Variants in TMEM175 observed in about 807,000 individuals in gnomAD.
TMEM175 encodes the protein transmembrane protein 175.
A neutral mutation model predicts 36.5 loss-of-function variants in TMEM175; 36 were observed. The ratio of observed to expected loss-of-function variants is 0.99; its 90% CI spans 0.76 to 1.30. The LOEUF (loss-of-function observed/expected upper bound fraction) is 1.30, where lower values mean the gene tolerates loss of function less well. Among genes scored for constraint, TMEM175 ranks in the 50% most tolerant of loss-of-function variants. The probability of loss-of-function intolerance (pLI) is 0.00; values close to 1 mark genes in which losing one functional copy is unlikely to be tolerated. For missense variants in TMEM175, 705 were observed against 692.8 expected, an observed-to-expected ratio of 1.02 and a Z score of -0.20; for synonymous variants, 339 against 313.4, an observed-to-expected ratio of 1.08 and a Z score of -0.86.
intron 7 of TMEM175, 36 bp from the exon 8 acceptor site, chr4:953,154 T>C: frequency 1.3e-6 from 2 of 1,565,964 alleles, no homozygotes; most frequent in Middle Eastern, 1.7e-4. Context: ...CCCTCTGCTC[T>C]TGGGGCCTGT....
At chr4:956,081 TC>T in intron 10 of TMEM175, 191 bp downstream of exon 10, 1 of 812,520 alleles carries the variant, frequency 1.2e-6, no homozygotes, top group Non-Finnish European at 1.9e-6. Context: ...GCCCCTCCCT[TC>T]CCAGCGGCCC....
chr4:951,700 A>G lies in TMEM175; in HGVS notation c.361A>G (p.Thr121Ala). 6.2e-7 allele frequency: 1 copy of G among 1,613,864 alleles called. No individual in the cohort carries two copies. The highest frequency in any genetic ancestry group is 8.5e-7 in the Non-Finnish European group (1 of 1,179,914). ...CCTCCAGGCCTGCATGATGACCATC[A>G]CCTTCCTGCCTTACACGGTGAGCAA... is the stretch of plus-strand genomic sequence containing the variant. Reference protein sequence around the residue: ...LLNLACMMTITFLPYTFSLMV... With the variant: ...LLNLACMMTIAFLPYTFSLMV... The change falls in exon 6 of 11, where the codon ACC becomes GCC. Residue 121 changes from threonine to alanine, a missense_variant. Physicochemically the swap from Thr to Ala is moderately conservative, Grantham distance 58 (BLOSUM62 0). Coordinates refer to ENST00000264771, the MANE Select transcript of TMEM175 (RefSeq NM_032326.4).
intron 8 of TMEM175, among the ~76,000 whole-genome samples, chr4:954,513 C>A (rs911656189): frequency 1.3e-5 from 2 of 151,690 alleles, no homozygotes; most frequent in East Asian, 3.9e-4. Context: ...CTGCTGGAGA[C>A]GTGTAGCTGC....
chr4:951,354 C>A (rs1358218248), intron 5 of TMEM175, 96 bp downstream of exon 5: 1 of 1,387,278 alleles, frequency 7.2e-7, no homozygotes, highest in African/African-American at 1.4e-5. Flanking sequence ...CTCTCGTGAC[C>A]TCCAGGGAGT....
chr4:944,617 A>T (rs988886177), intron 1 of TMEM175, among the ~76,000 whole-genome samples: 1 of 152,236 alleles, frequency 6.6e-6, no homozygotes, highest in Non-Finnish European at 1.5e-5. Context: ...ATAATTAAGA[A>T]GATAGATGGT....
At position 951,244 on chromosome 4, in the gene TMEM175, GC is replaced by G; in HGVS notation, c.331del (p.Leu111CysfsTer7). 3 of 1,614,110 alleles carry G rather than the reference GC, an allele frequency of 1.9e-6. No homozygotes were observed. The South Asian group carries it at 3.3e-5, about 18-fold the overall frequency. On this transcript the variant is annotated frameshift_variant, in exon 5 of 11. Transcript: ENST00000264771. LOFTEE classifies it high-confidence loss of function. ...QVVGKTDDTL[A>X]LLNLACMMTI... ...TGTTGGGAAAACAGACGACACACTT[GC>G]CCTGCTCAACCTGGTGAGTATTTTC...
intron 1 of TMEM175, among the ~76,000 whole-genome samples, chr4:943,349 T>C (rs1049171845): frequency 2.0e-5 from 3 of 152,204 alleles, no homozygotes; most frequent in Non-Finnish European, 4.4e-5. Context: ...CTTTCTGGGA[T>C]CAAGCAATTC....
At chr4:955,525 C>T in intron 9 of TMEM175, 42 bp downstream of exon 9, 1 of 1,577,788 alleles carries the variant, frequency 6.3e-7, no homozygotes. Flanking sequence ...GGCCTGTAGT[C>T]CGCCCACCTC....
At chr4:948,514 C>T in intron 3 of TMEM175, 1 of 1,395,202 alleles carries the variant, frequency 7.2e-7, no homozygotes, top group Non-Finnish European at 9.5e-7. Flanking sequence ...AGGGCAGCTG[C>T]CCCAGCAGGC....
chr4:953,076 G>C, intron 7 of TMEM175, 114 bp from the exon 8 acceptor site: 2 of 1,166,308 alleles, frequency 1.7e-6, no homozygotes, highest in South Asian at 3.2e-5. Context: ...CCGGGGCCAG[G>C]TCCTCCCCAC....
chr4:955,543 C>G (rs1729503719), intron 9 of TMEM175, 60 bp downstream of exon 9: 1 of 1,523,600 alleles, frequency 6.6e-7, no homozygotes, highest in Non-Finnish European at 9.1e-7. Flanking sequence ...CTCCGTGCGG[C>G]TGCTCCGCAC....
In TMEM175 at chr4:932,476, A is replaced by G. The variant is rs1267877298; in HGVS notation, c.-96A>G. 6 of 490,106 alleles carry G rather than the reference A, an allele frequency of 1.2e-5. No individual in the cohort carries two copies. The South Asian group carries it at 2.5e-4, about 20-fold the overall frequency. 30.4% of individuals were successfully genotyped at this position (490,106 alleles called of 1,614,324 possible). A position where few individuals can be genotyped will look rare whatever the true frequency, so the allele number is the denominator to read the frequency against. On this transcript the variant is annotated 5_prime_UTR_variant, in exon 1 of 11. Coordinates refer to ENST00000264771, the MANE Select transcript of TMEM175 (RefSeq NM_032326.4). This position sits in a 1 kb window ranked among gnomAD's most constrained non-coding sequence, Gnocchi z 4.0. ...GCTTGCGATGAACTTCCGGCTGTCAAGCTCCCGGCCGGGCTGACTCAAGCG... is the reference window on the plus strand; with the variant it reads ...GCTTGCGATGAACTTCCGGCTGTCAGGCTCCCGGCCGGGCTGACTCAAGCG...
At chr4:937,032 A>C (rs578183082) in intron 1 of TMEM175, among the ~76,000 whole-genome samples, 1 of 151,974 alleles carries the variant, frequency 6.6e-6, no homozygotes. Flanking sequence ...GCATTGCAAC[A>C]TACTTTGTGT....
intron 1 of TMEM175, among the ~76,000 whole-genome samples, chr4:944,586 G>A (rs1460370143): frequency 2.0e-5 from 3 of 152,096 alleles, no homozygotes; most frequent in African/African-American, 7.2e-5. Context: ...ATTTCTTACC[G>A]TATACACATA....
chr4:943,917 TC>T (rs368766163), intron 1 of TMEM175, among the ~76,000 whole-genome samples: 15 of 152,248 alleles, frequency 9.9e-5, no homozygotes, highest in African/African-American at 3.6e-4. Context: ...TTACTGATAC[TC>T]CCAGCACCAC....
chr4:932,986 C>T lies in TMEM175; in HGVS notation c.-32+446C>T, dbSNP rs541098505. ...GCAACCACAACACTGCAGAGACTGC[C>T]CTGTGACCCTCAAGGTTCGTTCTCA... On this transcript the variant is annotated intron_variant, in intron 1 of 10. Coordinates refer to ENST00000264771, the MANE Select transcript of TMEM175 (RefSeq NM_032326.4). This position sits in a 1 kb window ranked among gnomAD's most constrained non-coding sequence, Gnocchi z 4.0. 2.0e-5 allele frequency among the ~76,000 whole-genome samples: 3 copies of T among 152,292 alleles called. No homozygotes were observed. In the East Asian group the frequency reaches 5.8e-4, roughly 29 times the overall value.
intron 1 of TMEM175, among the ~76,000 whole-genome samples, chr4:936,713 T>C (rs559179514): frequency 6.6e-6 from 1 of 152,172 alleles, no homozygotes; most frequent in Non-Finnish European, 1.5e-5. Flanking sequence ...CCCAGCACTT[T>C]GGGAGGCCAA....
chr4:958,020 C>T lies in TMEM175; in HGVS notation c.1039C>T (p.Leu347Phe). ...GCGGGCCATGGGGCTGCTGAACACG[C>T]TCTCGCTGGCCTTCGTGGGTGGCCT... ...ATRAMGLLNT[L>F]SLAFVGGLPL... Residue 347 changes from leucine to phenylalanine, a missense_variant, in exon 11 of 11, where the codon CTC becomes TTC. Physicochemically the swap from Leu to Phe is conservative, Grantham distance 22. Coordinates refer to ENST00000264771, the MANE Select transcript of TMEM175 (RefSeq NM_032326.4). 1 of 1,612,172 alleles carries T rather than the reference C, an allele frequency of 6.2e-7. No homozygotes were observed. Among genetic ancestry groups the T allele is most frequent in the South Asian group, 1.1e-5 (1 of 91,042 alleles).
intron 1 of TMEM175, 97 bp from the exon 2 acceptor site, chr4:947,612 C>G (rs1231250422): frequency 1.7e-5 from 16 of 925,472 alleles, no homozygotes; most frequent in Non-Finnish European, 4.8e-6. Flanking sequence ...CCAAGCCCCC[C>G]CCCATACCAG....
Sources: gnomAD v4.1 joint callset for allele counts (sites outside exome capture counted in the v4.1 genomes callset) on GRCh38, gnomAD v4.1.1 for gene constraint, Gnocchi (gnomAD v3.1) non-coding constraint, MANE v1.5 for transcripts, NCBI Gene and HGNC (gene_info 2026-07-23, HGNC 2026-07-21) for gene names.